KLF13: variants seen among roughly 807,000 people sequenced by gnomAD.
The protein encoded by KLF13 is Krueppel-like factor 13.
Under a neutral mutation model 16.7 loss-of-function variants are expected in KLF13, and 8 were observed. The ratio of observed to expected loss-of-function variants is 0.48; its 90% CI spans 0.28 to 0.87. The LOEUF is 0.87. KLF13 is among the 40% of genes least tolerant of loss of function. KLF13 has a pLI of 0.10. For missense variants in KLF13, 447 were observed against 452.2 expected (o/e 0.99, Z 0.10); for synonymous variants, 245 against 208.4 (o/e 1.18, Z -1.51).
At chr15:31,410,625 A>C (rs866821562) in intron 1 of KLF13, among the ~76,000 whole-genome samples, 9 of 134,740 alleles carry the variant, frequency 6.7e-5, no homozygotes, top group South Asian at 5.0e-4. Flanking sequence ...ACACACACAC[A>C]CCCCTATAAC....
At position 31,376,275 on chromosome 15, in the gene KLF13, C is replaced by T. The variant is rs1177774221; in HGVS notation, c.*3976C>T. 6.8e-6 allele frequency: 1 copy of T among 148,124 alleles called. No homozygotes were observed. The highest frequency in any genetic ancestry group is 1.5e-5 in the Non-Finnish European group (1 of 66,930). The allele number at this position is 148,124 out of a possible 1,614,324, so 9.2% of individuals were successfully genotyped here. A position where few individuals can be genotyped will look rare whatever the true frequency, so the allele number is the denominator to read the frequency against. ...GCAATAGTGTGGCCTTGTTTCTCCG[C>T]TTCTGGTTGTGGCTGTGTGTACAGG... On this transcript the variant is annotated 3_prime_UTR_variant, in exon 2 of 2. Coordinates refer to ENST00000307145, the MANE Select transcript of KLF13 (RefSeq NM_015995.4).
intron 1 of KLF13, among the ~76,000 whole-genome samples, chr15:31,339,667 C>T (rs1443371550): frequency 6.6e-6 from 1 of 152,270 alleles, no homozygotes; most frequent in Non-Finnish European, 1.5e-5. Flanking sequence ...AGCGCCCTCC[C>T]ACCCAGTGCT....
At chr15:31,433,949 C>T (rs567936964) in intron 1 of KLF13, among the ~76,000 whole-genome samples, 1 of 152,332 alleles carries the variant, frequency 6.6e-6, no homozygotes, top group East Asian at 1.9e-4. Context: ...CCCCAGACCA[C>T]CAGGAGACAC....
chr15:31,422,524 C>CGGT (rs200765939), intron 1 of KLF13, among the ~76,000 whole-genome samples: 145,378 of 151,992 alleles, frequency 0.96, 69,593 homozygotes, highest in East Asian at 1. Context: ...CCTCCACCTA[C>CGGT]CCTGCCCTTG....
intron 1 of KLF13, among the ~76,000 whole-genome samples, chr15:31,384,553 G>T (rs772833569): frequency 5.3e-5 from 8 of 152,072 alleles, no homozygotes; most frequent in Non-Finnish European, 1.2e-4. Flanking sequence ...AACTACTCAG[G>T]TATCACTTTT....
chr15:31,426,094 T>C lies in KLF13; in HGVS notation n.118-9276T>C, dbSNP rs1369078378. ...AGTTCCCAAGTTCCTCATCTCCATC[T>C]GAAACCACCTCAGCCTGGACTTTAT... On this transcript the variant is annotated intron_variant and non_coding_transcript_variant, in intron 1 of 1. Transcript: ENST00000558225. Among the ~76,000 whole-genome samples, 3 of 152,310 alleles carry C rather than the reference T, an allele frequency of 2.0e-5. No individual in the cohort carries two copies. In the South Asian group the frequency reaches 6.2e-4, roughly 32 times the overall value.
Position 31,372,491 on chromosome 15 carries a change from A to C in KLF13, c.*192A>C. ...AATTTCAAAAAACACCACCCACCAA[A>C]TTGCACAATAGATACACCCACAAAG... On this transcript the variant is annotated 3_prime_UTR_variant, in exon 2 of 2. Transcript: ENST00000307145. The C allele has an allele frequency of 1.6e-6, 1 of 607,120 alleles. No individual in the cohort carries two copies. Among genetic ancestry groups the C allele is most frequent in the Non-Finnish European group, 2.7e-6 (1 of 368,162 alleles). 37.6% of individuals were successfully genotyped at this position (607,120 alleles called of 1,614,324 possible).
At chr15:31,429,028 G>C (rs984109396) in intron 1 of KLF13, among the ~76,000 whole-genome samples, 13 of 152,222 alleles carry the variant, frequency 8.5e-5, no homozygotes, top group African/African-American at 3.1e-4. Flanking sequence ...GAAAATGCAA[G>C]GCTCCTTGCT....
At chr15:31,340,685 GA>G (rs1374887336) in intron 1 of KLF13, among the ~76,000 whole-genome samples, 1 of 152,164 alleles carries the variant, frequency 6.6e-6, no homozygotes, top group Non-Finnish European at 1.5e-5. Flanking sequence ...CTTGAGCCCA[GA>G]AGTTCGAGAC....
At chr15:31,361,458 C>A (rs2039383102) in intron 1 of KLF13, among the ~76,000 whole-genome samples, 1 of 152,130 alleles carries the variant, frequency 6.6e-6, no homozygotes, top group Non-Finnish European at 1.5e-5. Flanking sequence ...AAAAGCTGCA[C>A]CCCTGTAAAG....
intron 1 of KLF13, among the ~76,000 whole-genome samples, chr15:31,424,823 G>T (rs2040382133): frequency 6.7e-6 from 1 of 149,340 alleles, no homozygotes; most frequent in African/African-American, 2.5e-5. Flanking sequence ...CTGAATAGAA[G>T]AAGTAAAAAT....
chr15:31,404,930 G>C (rs1009637396), downstream of KLF13, among the ~76,000 whole-genome samples: 2 of 152,138 alleles, frequency 1.3e-5, no homozygotes, highest in African/African-American at 2.4e-5. Context: ...GAGAACAGTG[G>C]GGGGAGCTCT....
At chr15:31,331,114 A>G (rs927153550) in intron 1 of KLF13, among the ~76,000 whole-genome samples, 3 of 152,076 alleles carry the variant, frequency 2.0e-5, no homozygotes, top group African/African-American at 7.2e-5. Flanking sequence ...ATTTCTACCT[A>G]TTTGTTCCCA....
chr15:31,346,200 G>A lies in KLF13; in HGVS notation c.577+18411G>A, dbSNP rs752094. Among the ~76,000 whole-genome samples, 443 of 152,208 alleles carry A rather than the reference G, an allele frequency of 2.9e-3. 1 individual carries two copies. The highest frequency in any genetic ancestry group is 0.01 in the African/African-American group (429 of 41,516). On this transcript the variant is annotated intron_variant, in intron 1 of 1. Coordinates refer to ENST00000307145, the MANE Select transcript of KLF13 (RefSeq NM_015995.4). ...CTGTTTCTGGGAAGATTACCCATCT[G>A]TGGCTTCCAGAAAGCACCTCTTCGT...
downstream of KLF13, among the ~76,000 whole-genome samples, chr15:31,405,174 C>T (rs765786799): frequency 2.6e-5 from 4 of 152,058 alleles, no homozygotes; most frequent in Admixed American, 6.5e-5. Context: ...CAAGAGCCTG[C>T]GTAGTGGTGT....
downstream of KLF13, among the ~76,000 whole-genome samples, chr15:31,406,239 G>A (rs947718221): frequency 2.6e-5 from 4 of 152,154 alleles, no homozygotes; most frequent in African/African-American, 4.8e-5. Context: ...CACTTTGGGA[G>A]GCCAAGGCAG....
At chr15:31,386,343 C>CA (rs1282315725) in intron 1 of KLF13, among the ~76,000 whole-genome samples, 2 of 152,044 alleles carry the variant, frequency 1.3e-5, no homozygotes, top group Non-Finnish European at 2.9e-5. Flanking sequence ...ACTAAAAGTA[C>CA]AAAAAATTAG....
chr15:31,359,576 T>C (rs141031238), intron 1 of KLF13, among the ~76,000 whole-genome samples: 265 of 152,316 alleles, frequency 1.7e-3, no homozygotes, highest in African/African-American at 5.9e-3. Flanking sequence ...CTGTCCAAAG[T>C]GATTCATTTG....
intron 1 of KLF13, among the ~76,000 whole-genome samples, chr15:31,364,888 C>G (rs1397985875): frequency 6.6e-6 from 1 of 152,200 alleles, no homozygotes; most frequent in Non-Finnish European, 1.5e-5. Context: ...GTCAAATGGC[C>G]TCCTAAGGAG....
Sources: allele counts gnomAD v4.1 joint callset (sites outside exome capture counted in the v4.1 genomes callset), GRCh38; gene constraint gnomAD v4.1.1; transcripts MANE v1.5; gene names NCBI Gene and HGNC (gene_info 2026-07-23, HGNC 2026-07-21).